The following IPO5 variants were observed in gnomAD, a reference collection of about 807,000 sequenced individuals.
IPO5 encodes importin 5.
Under a neutral mutation model 143.3 loss-of-function variants are expected in IPO5, and 18 were observed. That is an observed-to-expected ratio of 0.13 (90% CI 0.09 to 0.19). The LOEUF (loss-of-function observed/expected upper bound fraction) is 0.19, where lower values mean the gene tolerates loss of function less well. IPO5 is among the 10% of genes least tolerant of loss of function. The pLI, the probability that IPO5 is intolerant of heterozygous loss-of-function variation, is 1.00. For synonymous variants in IPO5, 477 were observed against 465.7 expected, an observed-to-expected ratio of 1.02 and a Z score of -0.31; for missense variants, 1,013 against 1,336.9, an observed-to-expected ratio of 0.76 and a Z score of 3.78.
intron 2 of IPO5, among the ~76,000 whole-genome samples, chr13:97,963,995 C>T (rs1370906346): frequency 2.0e-5 from 3 of 152,236 alleles, no homozygotes; most frequent in South Asian, 4.1e-4. Context: ...TAAATGTCTT[C>T]TTTTGAGAAG....
At chr13:98,001,143 A>T (rs192237225) in intron 13 of IPO5, among the ~76,000 whole-genome samples, 1 of 152,070 alleles carries the variant, frequency 6.6e-6, no homozygotes, top group African/African-American at 2.4e-5. Context: ...CAGAGTGCTT[A>T]GATTATAGGC....
chr13:98,012,484 G>A (rs1216683118), intron 21 of IPO5, 142 bp downstream of exon 21: 27 of 603,360 alleles, frequency 4.5e-5, no homozygotes, highest in Middle Eastern at 4.0e-4. Flanking sequence ...TGATAAACTC[G>A]GTTCTCTGCA....
At chr13:97,969,152 A>AGT (rs1885588061) in intron 2 of IPO5, among the ~76,000 whole-genome samples, 2 of 88,494 alleles carry the variant, frequency 2.3e-5, no homozygotes, top group Non-Finnish European at 5.0e-5. Context: ...CTTTCTGCTA[A>AGT]GTATATATAT....
intron 25 of IPO5, among the ~76,000 whole-genome samples, chr13:98,018,155 T>C (rs1322146432): frequency 7.2e-5 from 11 of 152,212 alleles, no homozygotes; most frequent in Non-Finnish European, 1.6e-4. Flanking sequence ...GCAGCTTTTA[T>C]TATTATTGTA....
chr13:97,971,290 TTG>T (rs2139561844), intron 3 of IPO5, among the ~76,000 whole-genome samples: 1 of 152,360 alleles, frequency 6.6e-6, no homozygotes, highest in Admixed American at 6.5e-5. Context: ...TCCTTCAGGA[TTG>T]TTAGGGTCCC....
At chr13:97,977,449 TATA>T (rs1384048840) in intron 4 of IPO5, among the ~76,000 whole-genome samples, 2 of 152,198 alleles carry the variant, frequency 1.3e-5, no homozygotes, top group African/African-American at 4.8e-5. Context: ...ACTCTGGGCT[TATA>T]ATACACTTAC....
chr13:98,005,363 ATT>A (rs1311915676), intron 16 of IPO5, among the ~76,000 whole-genome samples: 2 of 120,370 alleles, frequency 1.7e-5, no homozygotes, highest in Non-Finnish European at 3.4e-5. Flanking sequence ...CACCTGGCTA[ATT>A]TTTATTTATT....
At position 98,002,941 on chromosome 13, in the gene IPO5, T is replaced by A; in HGVS notation, c.1401T>A (p.Ile467=). 1 of 1,613,882 alleles carries A rather than the reference T, an allele frequency of 6.2e-7. No individual in the cohort carries two copies. Among genetic ancestry groups the A allele is most frequent in the Non-Finnish European group, 8.5e-7 (1 of 1,179,720 alleles). The change falls in exon 16 of 29, where the codon ATT becomes ATA. Residue 467 remains isoleucine, a synonymous_variant. Transcript: ENST00000651721. ...RVQAHAAAAL[I]NFTEDCPKSL... is the part of the protein sequence containing the mutation. ...AGGCCCATGCAGCTGCTGCCCTCATTAACTTTACTGAAGACTGTCCCAAGT... is the reference window on the plus strand; with the variant it reads ...AGGCCCATGCAGCTGCTGCCCTCATAAACTTTACTGAAGACTGTCCCAAGT...
chr13:98,020,872 A>C (rs1193581875), intron 27 of IPO5, 120 bp from the exon 28 acceptor site: 1 of 702,710 alleles, frequency 1.4e-6, no homozygotes, highest in African/African-American at 1.9e-5. Context: ...TAAAGAGTTC[A>C]TATATAAGAT....
chr13:98,012,480 A>T (rs1889789264), intron 21 of IPO5, 138 bp downstream of exon 21: 2 of 611,160 alleles, frequency 3.3e-6, no homozygotes, highest in Admixed American at 5.3e-5. Context: ...TAGGTGATAA[A>T]CTCGGTTCTC....
At chr13:97,997,262 T>G (rs1470001076) in intron 11 of IPO5, among the ~76,000 whole-genome samples, 1 of 152,246 alleles carries the variant, frequency 6.6e-6, no homozygotes, top group African/African-American at 2.4e-5. Context: ...GTGATGTTGC[T>G]TCTTACCTCT....
intron 23 of IPO5, 32 bp from the exon 24 acceptor site, chr13:98,015,694 T>G: frequency 2.5e-6 from 4 of 1,595,528 alleles, no homozygotes; most frequent in Non-Finnish European, 3.4e-6. Context: ...ATCTTGGCAA[T>G]CATTTAAAAC....
chr13:97,996,651 G>A (rs893875359), intron 11 of IPO5, among the ~76,000 whole-genome samples: 1 of 151,968 alleles, frequency 6.6e-6, no homozygotes, highest in African/African-American at 2.4e-5. Flanking sequence ...CGTCCAGGCT[G>A]GAGTGCAGTG....
At chr13:98,019,881 GTCTTTTAAGGTTTAACCACATGA>G (rs1332680709) in intron 27 of IPO5, 72 bp downstream of exon 27, 4 of 962,192 alleles carry the variant, frequency 4.2e-6, no homozygotes, top group Non-Finnish European at 6.7e-6. Flanking sequence ...CCTAACATCA[GTCTTTTAAGGTTTAACCACATGA>G]TCTCTGCACA....
At chr13:97,995,357 T>C (rs1237827480) in intron 11 of IPO5, among the ~76,000 whole-genome samples, 1 of 151,942 alleles carries the variant, frequency 6.6e-6, no homozygotes, top group Non-Finnish European at 1.5e-5. Flanking sequence ...AAGTCCGTTG[T>C]ATCATTCTTA....
intron 3 of IPO5, 177 bp from the exon 4 acceptor site, chr13:97,976,516 A>T (rs1886328814): frequency 6.5e-6 from 1 of 152,720 alleles, no homozygotes; most frequent in Non-Finnish European, 1.4e-5. Context: ...AGAGGCCGCG[A>T]GGCCCCGCCC....
chr13:97,964,745 G>A lies in IPO5; in HGVS notation c.-112-4978G>A, dbSNP rs1048452084. ...ATTACAGGCGTGAGCCACCGCGCCCGGCCTCCCAGCACCATTTCTTATATA... is the reference window on the plus strand; with the variant it reads ...ATTACAGGCGTGAGCCACCGCGCCCAGCCTCCCAGCACCATTTCTTATATA... On this transcript the variant is annotated intron_variant, in intron 2 of 28. Transcript: ENST00000651721. Among the ~76,000 whole-genome samples the A allele has an allele frequency of 1.5e-4, 23 of 152,062 alleles. 1 individual carries two copies. The highest frequency in any genetic ancestry group is 2.1e-4 in the South Asian group (1 of 4,794).
chr13:97,977,423 A>G (rs1886469567), intron 4 of IPO5, among the ~76,000 whole-genome samples: 1 of 152,052 alleles, frequency 6.6e-6, no homozygotes, highest in Non-Finnish European at 1.5e-5. Context: ...GTTTCTTTCT[A>G]TGCAGTTTCC....
chr13:98,002,786 TC>T lies in IPO5; in HGVS notation c.1323+15del, dbSNP rs777109800. The T allele has an allele frequency of 1.9e-6, 3 of 1,601,988 alleles. No individual in the cohort carries two copies. The Admixed American group carries it at 5.3e-5, about 28-fold the overall frequency. On this transcript the variant is annotated intron_variant, in intron 15 of 28. Coordinates refer to ENST00000651721, the MANE Select transcript of IPO5 (RefSeq NM_002271.6). ...ATTTCATGAGAAGGTAAGTAACAAGTCCTCAAACACTTAAATCAGACTTTAG... is the reference window on the plus strand; with the variant it reads ...ATTTCATGAGAAGGTAAGTAACAAGTCTCAAACACTTAAATCAGACTTTAG...
Sources: gnomAD v4.1 joint callset for allele counts (sites outside exome capture counted in the v4.1 genomes callset) on GRCh38, gnomAD v4.1.1 for gene constraint, MANE v1.5 for transcripts, NCBI Gene and HGNC (gene_info 2026-07-23, HGNC 2026-07-21) for gene names.